The following PRKN variants were observed in gnomAD, a reference collection of about 807,000 sequenced individuals.
The protein encoded by PRKN is E3 ubiquitin-protein ligase parkin.
In PRKN, 56 loss-of-function variants were observed where a neutral mutation model predicts 59.5. The ratio of observed to expected loss-of-function variants is 0.94; its 90% CI spans 0.76 to 1.18. The LOEUF (loss-of-function observed/expected upper bound fraction) is 1.18, where lower values mean the gene tolerates loss of function less well. Among genes scored for constraint, PRKN ranks in the 50% most tolerant of loss-of-function variants. PRKN has a pLI of 0.00. For synonymous variants in PRKN, 250 were observed against 222.1 expected, an observed-to-expected ratio of 1.13 and a Z score of -1.12; for missense variants, 657 against 596.4, an observed-to-expected ratio of 1.10 and a Z score of -1.06.
At chr6:162,479,460 C>T (rs1289269886) in intron 1 of PRKN, among the ~76,000 whole-genome samples, 1 of 152,128 alleles carries the variant, frequency 6.6e-6, no homozygotes, top group Non-Finnish European at 1.5e-5. Context: ...AACTCCGTAT[C>T]TCAGGTGATT....
At chr6:161,855,082 C>CAAAAAAAAAAA (rs1203185737) in intron 6 of PRKN, among the ~76,000 whole-genome samples, 2 of 45,610 alleles carry the variant, frequency 4.4e-5, no homozygotes, top group South Asian at 7.6e-4. Context: ...GACTTCATCT[C>CAAAAAAAAAAA]AAAAAAAAAA....
chr6:161,851,282 G>C (rs750795032), intron 6 of PRKN, among the ~76,000 whole-genome samples: 3 of 151,974 alleles, frequency 2.0e-5, no homozygotes, highest in Non-Finnish European at 2.9e-5. Flanking sequence ...GAATCAGTAG[G>C]AAGACCCTCA....
chr6:161,888,840 C>T (rs1483918321), intron 6 of PRKN, among the ~76,000 whole-genome samples: 1 of 152,126 alleles, frequency 6.6e-6, no homozygotes, highest in South Asian at 2.1e-4. Flanking sequence ...TCCCTCCTTG[C>T]CCAGCTTAGA....
Position 161,428,087 on chromosome 6 carries a change from C to T in PRKN, c.1084-41210G>A, listed in dbSNP as rs755623812. On this transcript the variant is annotated intron_variant, in intron 9 of 11. Coordinates refer to ENST00000366898, the MANE Select transcript of PRKN (RefSeq NM_004562.3). The surrounding 1 kb of genome is among the most constrained non-coding windows in gnomAD (Gnocchi z 4.0). Reference sequence around the variant, plus strand: ...GAGCTCGGCATTTGGACACAGCTCACACGCATGAGTGATGCTCTTCCACCT... The same window carrying T: ...GAGCTCGGCATTTGGACACAGCTCATACGCATGAGTGATGCTCTTCCACCT... Among the ~76,000 whole-genome samples, 13 of 152,306 alleles carry T rather than the reference C, an allele frequency of 8.5e-5. No homozygotes were observed. Among genetic ancestry groups the T allele is most frequent in the Middle Eastern group, 3.4e-3 (1 of 294 alleles).
chr6:161,374,284 ATGTG>A (rs998646661), intron 10 of PRKN, among the ~76,000 whole-genome samples: 32 of 147,604 alleles, frequency 2.2e-4, no homozygotes, highest in Admixed American at 1.8e-3. Flanking sequence ...GTGTGTATGT[ATGTG>A]TGTGTGGTAT....
At chr6:162,296,190 G>A (rs1041739716) in intron 2 of PRKN, among the ~76,000 whole-genome samples, 6 of 151,742 alleles carry the variant, frequency 4.0e-5, no homozygotes, top group Non-Finnish European at 5.9e-5. Context: ...GCCCACAGTC[G>A]CCTTAAAACA....
intron 2 of PRKN, among the ~76,000 whole-genome samples, chr6:162,395,894 T>C (rs1181748300): frequency 6.6e-6 from 1 of 152,190 alleles, no homozygotes; most frequent in African/African-American, 2.4e-5. Flanking sequence ...ATTATCCAGT[T>C]TAAATTCTGT....
At chr6:161,635,536 G>A (rs907732182) in intron 7 of PRKN, among the ~76,000 whole-genome samples, 6 of 152,168 alleles carry the variant, frequency 3.9e-5, no homozygotes, top group Non-Finnish European at 8.8e-5. Flanking sequence ...CAAGGACATC[G>A]GTGTGCAGGC....
chr6:162,235,902 A>AAGGAAGG (rs767533402), intron 3 of PRKN, among the ~76,000 whole-genome samples: 3 of 73,268 alleles, frequency 4.1e-5, no homozygotes, highest in Non-Finnish European at 7.9e-5. Flanking sequence ...AGAAAGAAGG[A>AAGGAAGG]AAGGAAGGAA....
At chr6:161,918,278 C>T (rs144912284) in intron 6 of PRKN, among the ~76,000 whole-genome samples, 1 of 152,274 alleles carries the variant, frequency 6.6e-6, no homozygotes, top group East Asian at 1.9e-4. Flanking sequence ...TGACGAAAGC[C>T]CTCTAGAACC....
At chr6:161,908,598 A>C (rs562162152) in intron 6 of PRKN, among the ~76,000 whole-genome samples, 4 of 150,462 alleles carry the variant, frequency 2.7e-5, no homozygotes, top group South Asian at 4.2e-4. Context: ...AGAAAAAAAA[A>C]CGAATAGTTT....
intron 7 of PRKN, among the ~76,000 whole-genome samples, chr6:161,704,678 A>G (rs1158057879): frequency 1.3e-5 from 2 of 152,100 alleles, no homozygotes; most frequent in Non-Finnish European, 2.9e-5. Context: ...GTGCAGTACC[A>G]CACCAAGCCC....
At chr6:161,885,215 C>T (rs1283909089) in intron 6 of PRKN, among the ~76,000 whole-genome samples, 1 of 151,896 alleles carries the variant, frequency 6.6e-6, no homozygotes, top group Non-Finnish European at 1.5e-5. Context: ...CTTCAAGATG[C>T]CCAAGGCATT....
intron 7 of PRKN, among the ~76,000 whole-genome samples, chr6:161,700,193 C>T (rs536824311): frequency 4.6e-5 from 7 of 152,140 alleles, no homozygotes; most frequent in African/African-American, 1.7e-4. Flanking sequence ...CTCTCCTTGG[C>T]TATACTAATT....
Position 161,446,507 on chromosome 6 carries a change from T to TAGAAGC in PRKN, c.1084-59636_1084-59631dup, listed in dbSNP as rs1455394939. 1.3e-5 allele frequency among the ~76,000 whole-genome samples: 2 copies of TAGAAGC among 152,154 alleles called. No individual in the cohort carries two copies. Among genetic ancestry groups the TAGAAGC allele is most frequent in the Non-Finnish European group, 2.9e-5 (2 of 68,034 alleles). ...CGTCTGAGCCAGATCTGACTTTGTG[T>TAGAAGC]AGAAGCATAAAAGGAGTAGGATGTT... On this transcript the variant is annotated intron_variant, in intron 9 of 11. Coordinates refer to ENST00000366898, the MANE Select transcript of PRKN (RefSeq NM_004562.3). This position sits in a 1 kb window ranked among gnomAD's most constrained non-coding sequence, Gnocchi z 6.2.
chr6:161,943,919 T>TTGAGGAAGCAGCC (rs1365552572), intron 6 of PRKN, among the ~76,000 whole-genome samples: 2 of 130,996 alleles, frequency 1.5e-5, no homozygotes, highest in South Asian at 2.5e-4. Flanking sequence ...GGGATCAGCC[T>TTGAGGAAGCAGCC]TGAGGAAGCA....
At chr6:161,918,086 T>C (rs1448203652) in intron 6 of PRKN, among the ~76,000 whole-genome samples, 2 of 152,230 alleles carry the variant, frequency 1.3e-5, no homozygotes, top group Non-Finnish European at 2.9e-5. Flanking sequence ...TCAATTTTCA[T>C]ATTAGAAGTC....
At chr6:162,585,563 T>C (rs987301899) in intron 1 of PRKN, among the ~76,000 whole-genome samples, 5 of 152,194 alleles carry the variant, frequency 3.3e-5, no homozygotes, top group African/African-American at 1.2e-4. Flanking sequence ...TCTTATTTCC[T>C]GTTAGCAGTT....
In PRKN at chr6:161,350,000, G is replaced by A. The variant is rs896441226; in HGVS notation, c.*99C>T. On this transcript the variant is annotated 3_prime_UTR_variant, in exon 12 of 12. Transcript: ENST00000366898. This position sits in a 1 kb window ranked among gnomAD's most constrained non-coding sequence, Gnocchi z 5.5. ...ACTTGAAGAGTGTGTGTGCGCGCGCGCGCGTGTGTGTGTGTGTTTGAAAAG... is the reference window on the plus strand; with the variant it reads ...ACTTGAAGAGTGTGTGTGCGCGCGCACGCGTGTGTGTGTGTGTTTGAAAAG... The A allele has an allele frequency of 3.8e-5, 31 of 822,066 alleles. No homozygotes were observed. The highest frequency in any genetic ancestry group is 3.4e-5 in the African/African-American group (2 of 59,490). The allele number at this position is 822,066 out of a possible 1,614,324, so 50.9% of individuals were successfully genotyped here. A position where few individuals can be genotyped will look rare whatever the true frequency, so the allele number is the denominator to read the frequency against.
Sources: gnomAD v4.1 joint callset for allele counts (sites outside exome capture counted in the v4.1 genomes callset) on GRCh38, gnomAD v4.1.1 for gene constraint, Gnocchi (gnomAD v3.1) non-coding constraint, MANE v1.5 for transcripts, NCBI Gene and HGNC (gene_info 2026-07-23, HGNC 2026-07-21) for gene names.